The following HES2 variants were observed in gnomAD, a reference collection of about 807,000 sequenced individuals.
HES2 encodes transcription factor HES-2.
In HES2, 11 loss-of-function variants were observed where a neutral mutation model predicts 11.9. That is an observed-to-expected ratio of 0.92 (90% confidence interval 0.58 to 1.53). The LOEUF is 1.53. Among genes scored for constraint, HES2 ranks in the 40% most tolerant of loss-of-function variants. The pLI is 0.00. For synonymous variants in HES2, 125 were observed against 122.8 expected (o/e 1.02, Z -0.12); for missense variants, 260 against 253.8 (o/e 1.02, Z -0.16).
rs1258880171 is a variant in HES2, at chr1:6,419,912, A to G, written c.-92T>C. 6 of 1,387,802 alleles carry G rather than the reference A, an allele frequency of 4.3e-6. No homozygotes were observed. In the Admixed American group the frequency reaches 1.4e-4, roughly 33 times the overall value. 86.0% of individuals were successfully genotyped at this position (1,387,802 alleles called of 1,614,324 possible). A position where few individuals can be genotyped will look rare whatever the true frequency, so the allele number is the denominator to read the frequency against. ...CCCGGGCGCGGCCCGGGCTGGTGCC[A>G]GACGAGTGCGCGCCCCGCCCGCGGC... On this transcript the variant is annotated 5_prime_UTR_variant, in exon 1 of 4. Coordinates refer to ENST00000377834, the MANE Select transcript of HES2 (RefSeq NM_019089.5). The surrounding 1 kb of genome is among the most constrained non-coding windows in gnomAD (Gnocchi z 8.1).
In HES2 at chr1:6,417,104, C is replaced by T. The variant is rs965355002; in HGVS notation, c.*1769G>A. ...TGCCTTGGGGACGTGGAGGCACGCTCAGCCCCAGCCTCGCCCTCCGGGAGC... is the reference window on the plus strand; with the variant it reads ...TGCCTTGGGGACGTGGAGGCACGCTTAGCCCCAGCCTCGCCCTCCGGGAGC... On this transcript the variant is annotated 3_prime_UTR_variant, in exon 4 of 4. Coordinates refer to ENST00000377834, the MANE Select transcript of HES2 (RefSeq NM_019089.5). The T allele has an allele frequency of 3.3e-5, 5 of 152,348 alleles. No individual in the cohort carries two copies. The highest frequency in any genetic ancestry group is 1.2e-4 in the African/African-American group (5 of 41,468). The allele number at this position is 152,348 out of a possible 1,614,324, so 9.4% of individuals were successfully genotyped here. A position where few individuals can be genotyped will look rare whatever the true frequency, so the allele number is the denominator to read the frequency against.
At position 6,419,580 on chromosome 1, in the gene HES2, C is replaced by T. The variant is rs1036321398; in HGVS notation, c.141+27G>A. On this transcript the variant is annotated intron_variant, in intron 2 of 3. Coordinates refer to ENST00000377834, the MANE Select transcript of HES2 (RefSeq NM_019089.5). This position sits in a 1 kb window ranked among gnomAD's most constrained non-coding sequence, Gnocchi z 8.1. The stretch of plus-strand genomic sequence containing the variant: ...TGCCCCCGCTCCGCGCCCCAGGACC[C>T]TCTGCCCTCCGCCCGGGCGCGCTCA... 4 of 1,517,800 alleles carry T rather than the reference C, an allele frequency of 2.6e-6. No homozygotes were observed. The highest frequency in any genetic ancestry group is 1.2e-5 in the South Asian group (1 of 82,312). 94.0% of individuals were successfully genotyped at this position (1,517,800 alleles called of 1,614,324 possible). A position where few individuals can be genotyped will look rare whatever the true frequency, so the allele number is the denominator to read the frequency against.
rs1353944022 is a variant in HES2, at chr1:6,415,376, T to C, written c.*3497A>G. The stretch of plus-strand genomic sequence containing the variant: ...CATGTGCCCACTTTGTATCTGTGTG[T>C]CACACTTTCGCAATTCTTGCAATAT... On this transcript the variant is annotated 3_prime_UTR_variant, in exon 4 of 4. Coordinates refer to ENST00000377834, the MANE Select transcript of HES2 (RefSeq NM_019089.5). The C allele has an allele frequency of 2.0e-5, 3 of 152,024 alleles. No individual in the cohort carries two copies. The highest frequency in any genetic ancestry group is 1.5e-5 in the Non-Finnish European group (1 of 67,976). The allele number at this position is 152,024 out of a possible 1,614,324, so 9.4% of individuals were successfully genotyped here. A position where few individuals can be genotyped will look rare whatever the true frequency, so the allele number is the denominator to read the frequency against.
Position 6,415,307 on chromosome 1 carries a change from A to T in HES2, c.*3566T>A, listed in dbSNP as rs1642833942. 6.6e-6 allele frequency: 1 copy of T among 151,562 alleles called. No individual in the cohort carries two copies. The highest frequency in any genetic ancestry group is 1.5e-5 in the Non-Finnish European group (1 of 67,968). The allele number at this position is 151,562 out of a possible 1,614,324, so 9.4% of individuals were successfully genotyped here. ...TTTAAACAAATTGAAGGTTCGGGGTAACTCCAGAGTCAAGCAAGTCTATTG... is the reference window on the plus strand; with the variant it reads ...TTTAAACAAATTGAAGGTTCGGGGTTACTCCAGAGTCAAGCAAGTCTATTG... On this transcript the variant is annotated 3_prime_UTR_variant, in exon 4 of 4. Transcript: ENST00000377834.
In HES2 at chr1:6,419,672, G is replaced by A. The variant is rs1642889794; in HGVS notation, c.76C>T (p.Arg26Cys). ...SLKPLLEKRR[R>C]ARINQSLSQL... ...CTCAGGCTCTGGTTGATGCGCGCGC[G>A]CCGGCGCTTCTCCAGCAGCGGCTTC... The change falls in exon 2 of 4, where the codon CGC becomes TGC. Residue 26 changes from arginine to cysteine, a missense_variant. Coordinates refer to ENST00000377834, the MANE Select transcript of HES2 (RefSeq NM_019089.5). The surrounding 1 kb of genome is among the most constrained non-coding windows in gnomAD (Gnocchi z 8.1). 6.4e-7 allele frequency: 1 copy of A among 1,555,564 alleles called. No homozygotes were observed. Among genetic ancestry groups the A allele is most frequent in the Non-Finnish European group, 8.7e-7 (1 of 1,153,622 alleles).
In HES2 at chr1:6,419,708, G is replaced by T; in HGVS notation, c.46-6C>A. ...TCCAGCAGCGGCTTCAGGCTCTGCGGACGGGCGGCGCGGTGGTTAGACGGG... is the reference window on the plus strand; with the variant it reads ...TCCAGCAGCGGCTTCAGGCTCTGCGTACGGGCGGCGCGGTGGTTAGACGGG... On this transcript the variant is annotated splice_polypyrimidine_tract_variant and splice_region_variant and intron_variant, in intron 1 of 3. Coordinates refer to ENST00000377834, the MANE Select transcript of HES2 (RefSeq NM_019089.5). This position sits in a 1 kb window ranked among gnomAD's most constrained non-coding sequence, Gnocchi z 8.1. 1 of 1,552,922 alleles carries T rather than the reference G, an allele frequency of 6.4e-7. No homozygotes were observed.
rs1036726243 is a variant in HES2, at chr1:6,419,561, C to G, written c.141+46G>C. 7 of 1,462,008 alleles carry G rather than the reference C, an allele frequency of 4.8e-6. No homozygotes were observed. Among genetic ancestry groups the G allele is most frequent in the East Asian group, 2.7e-5 (1 of 37,336 alleles). 90.6% of individuals were successfully genotyped at this position (1,462,008 alleles called of 1,614,324 possible). On this transcript the variant is annotated intron_variant, in intron 2 of 3. Coordinates refer to ENST00000377834, the MANE Select transcript of HES2 (RefSeq NM_019089.5). The surrounding 1 kb of genome is among the most constrained non-coding windows in gnomAD (Gnocchi z 8.1). The stretch of plus-strand genomic sequence containing the variant: ...CAGGAGCACCCCGTCCCCCTGCCCC[C>G]GCTCCGCGCCCCAGGACCCTCTGCC...
At position 6,419,913 on chromosome 1, in the gene HES2, G is replaced by C; in HGVS notation, c.-93C>G. The C allele has an allele frequency of 1.4e-6, 2 of 1,387,496 alleles. No homozygotes were observed. The highest frequency in any genetic ancestry group is 1.9e-6 in the Non-Finnish European group (2 of 1,071,850). The allele number at this position is 1,387,496 out of a possible 1,614,324, so 85.9% of individuals were successfully genotyped here. A position where few individuals can be genotyped will look rare whatever the true frequency, so the allele number is the denominator to read the frequency against. On this transcript the variant is annotated 5_prime_UTR_variant, in exon 1 of 4. Transcript: ENST00000377834. This position sits in a 1 kb window ranked among gnomAD's most constrained non-coding sequence, Gnocchi z 8.1. ...CCGGGCGCGGCCCGGGCTGGTGCCA[G>C]ACGAGTGCGCGCCCCGCCCGCGGCC...
chr1:6,415,284 T>TAA lies in HES2; in HGVS notation c.*3587_*3588dup, dbSNP rs111320471. On this transcript the variant is annotated 3_prime_UTR_variant, in exon 4 of 4. Transcript: ENST00000377834. ...TCAAGATATTGCCTTTTTTTTTTTT[T>TAA]AAACAAATTGAAGGTTCGGGGTAAC... 1 of 150,904 alleles carries TAA rather than the reference T, an allele frequency of 6.6e-6. No individual in the cohort carries two copies. Among genetic ancestry groups the TAA allele is most frequent in the African/African-American group, 2.5e-5 (1 of 40,748 alleles). 9.3% of individuals were successfully genotyped at this position (150,904 alleles called of 1,614,324 possible). A position where few individuals can be genotyped will look rare whatever the true frequency, so the allele number is the denominator to read the frequency against.
Position 6,419,457 on chromosome 1 carries a change from G to T in HES2, c.142-117C>A. ...GGTGTGGGGCGCGCCGTGGCCTGCT[G>T]GGGGTCCGCTCCGACGCGCCCACCC... On this transcript the variant is annotated intron_variant, in intron 2 of 3. Transcript: ENST00000377834. The surrounding 1 kb of genome is among the most constrained non-coding windows in gnomAD (Gnocchi z 8.1). The T allele has an allele frequency of 8.5e-7, 1 of 1,174,974 alleles. No homozygotes were observed. The highest frequency in any genetic ancestry group is 1.2e-6 in the Non-Finnish European group (1 of 842,352). The allele number at this position is 1,174,974 out of a possible 1,614,324, so 72.8% of individuals were successfully genotyped here.
rs1642862700 is a variant in HES2, at chr1:6,417,328, GT to G, written c.*1544del. 1 of 150,974 alleles carries G rather than the reference GT, an allele frequency of 6.6e-6. No homozygotes were observed. Among genetic ancestry groups the G allele is most frequent in the African/African-American group, 2.5e-5 (1 of 40,694 alleles). 9.4% of individuals were successfully genotyped at this position (150,974 alleles called of 1,614,324 possible). On this transcript the variant is annotated 3_prime_UTR_variant, in exon 4 of 4. Transcript: ENST00000377834. ...AGTGACCATCCCCACTCCCACATTG[GT>G]TCTGTCTTCTTGCCCCCGGTGCTCT...
rs1642885892 is a variant in HES2, at chr1:6,419,418, C to T, written c.142-78G>A. On this transcript the variant is annotated intron_variant, in intron 2 of 3. Coordinates refer to ENST00000377834, the MANE Select transcript of HES2 (RefSeq NM_019089.5). The surrounding 1 kb of genome is among the most constrained non-coding windows in gnomAD (Gnocchi z 8.1). Reference sequence around the variant, plus strand: ...GCCGGCTACCGTGCGCACCCTCGCTCTAGTCGGGAGCTGGGTGTGGGGCGC... The same window carrying T: ...GCCGGCTACCGTGCGCACCCTCGCTTTAGTCGGGAGCTGGGTGTGGGGCGC... 1 of 1,337,632 alleles carries T rather than the reference C, an allele frequency of 7.5e-7. No homozygotes were observed. Among genetic ancestry groups the T allele is most frequent in the African/African-American group, 1.5e-5 (1 of 67,766 alleles). The allele number at this position is 1,337,632 out of a possible 1,614,324, so 82.9% of individuals were successfully genotyped here.
In HES2 at chr1:6,419,904, C is replaced by A; in HGVS notation, c.-84G>T. The A allele has an allele frequency of 7.0e-7, 1 of 1,428,360 alleles. No individual in the cohort carries two copies. The highest frequency in any genetic ancestry group is 9.2e-7 in the Non-Finnish European group (1 of 1,091,350). 88.5% of individuals were successfully genotyped at this position (1,428,360 alleles called of 1,614,324 possible). On this transcript the variant is annotated 5_prime_UTR_variant, in exon 1 of 4. Transcript: ENST00000377834. The surrounding 1 kb of genome is among the most constrained non-coding windows in gnomAD (Gnocchi z 8.1). ...AATGAGGTCCCGGGCGCGGCCCGGG[C>A]TGGTGCCAGACGAGTGCGCGCCCCG...
At position 6,419,671 on chromosome 1, in the gene HES2, C is replaced by T. The variant is rs1163816502; in HGVS notation, c.77G>A (p.Arg26His). The change falls in exon 2 of 4, where the codon CGC becomes CAC. Residue 26 changes from arginine (R) to histidine (H), a missense_variant. Coordinates refer to ENST00000377834, the MANE Select transcript of HES2 (RefSeq NM_019089.5). This position sits in a 1 kb window ranked among gnomAD's most constrained non-coding sequence, Gnocchi z 8.1. ...GCTCAGGCTCTGGTTGATGCGCGCG[C>T]GCCGGCGCTTCTCCAGCAGCGGCTT... ...SLKPLLEKRR[R>H]ARINQSLSQL... 2.6e-5 allele frequency: 41 copies of T among 1,555,616 alleles called. No individual in the cohort carries two copies. The highest frequency in any genetic ancestry group is 3.5e-5 in the Non-Finnish European group (40 of 1,153,662).
Position 6,419,224 on chromosome 1 carries a change from A to C in HES2, c.241+17T>G, listed in dbSNP as rs772283479. ...CGGGGTGCAGAGCGCGCGGCAGGGC[A>C]GGGAGGGCTCACTCACGGGGCGCTG... On this transcript the variant is annotated intron_variant, in intron 3 of 3. Coordinates refer to ENST00000377834, the MANE Select transcript of HES2 (RefSeq NM_019089.5). This position sits in a 1 kb window ranked among gnomAD's most constrained non-coding sequence, Gnocchi z 8.1. 2 of 1,604,006 alleles carry C rather than the reference A, an allele frequency of 1.2e-6. No homozygotes were observed. The highest frequency in any genetic ancestry group is 3.4e-5 in the Admixed American group (2 of 59,568).
In HES2 at chr1:6,418,206, TTC is replaced by T. The variant is rs1286403002; in HGVS notation, c.*665_*666del. On this transcript the variant is annotated 3_prime_UTR_variant, in exon 4 of 4. Coordinates refer to ENST00000377834, the MANE Select transcript of HES2 (RefSeq NM_019089.5). ...AATTGATGCTCGGGAAAACAAATCC[TTC>T]CCAAAGTCACTTAAGGAATCCCCCA... 6.6e-6 allele frequency: 1 copy of T among 152,356 alleles called. No individual in the cohort carries two copies. Among genetic ancestry groups the T allele is most frequent in the East Asian group, 1.9e-4 (1 of 5,200 alleles). The allele number at this position is 152,356 out of a possible 1,614,324, so 9.4% of individuals were successfully genotyped here.
At position 6,416,664 on chromosome 1, in the gene HES2, C is replaced by G. The variant is rs776236636; in HGVS notation, c.*2209G>C. 1.3e-5 allele frequency: 2 copies of G among 152,318 alleles called. No homozygotes were observed. The highest frequency in any genetic ancestry group is 2.4e-5 in the African/African-American group (1 of 41,454). 9.4% of individuals were successfully genotyped at this position (152,318 alleles called of 1,614,324 possible). A position where few individuals can be genotyped will look rare whatever the true frequency, so the allele number is the denominator to read the frequency against. On this transcript the variant is annotated 3_prime_UTR_variant, in exon 4 of 4. Coordinates refer to ENST00000377834, the MANE Select transcript of HES2 (RefSeq NM_019089.5). ...GCGAACTGAGATGGACTCTCAGAAG[C>G]AAGAGGTGGCAAGCATGGCGGAGAG...
At position 6,419,894 on chromosome 1, in the gene HES2, G is replaced by T; in HGVS notation, c.-74C>A. The T allele has an allele frequency of 6.9e-7, 1 of 1,446,376 alleles. No homozygotes were observed. Among genetic ancestry groups the T allele is most frequent in the Non-Finnish European group, 9.1e-7 (1 of 1,099,716 alleles). 89.6% of individuals were successfully genotyped at this position (1,446,376 alleles called of 1,614,324 possible). A position where few individuals can be genotyped will look rare whatever the true frequency, so the allele number is the denominator to read the frequency against. ...CGAGGTCCGAAATGAGGTCCCGGGC[G>T]CGGCCCGGGCTGGTGCCAGACGAGT... On this transcript the variant is annotated 5_prime_UTR_variant, in exon 1 of 4. Transcript: ENST00000377834. The surrounding 1 kb of genome is among the most constrained non-coding windows in gnomAD (Gnocchi z 8.1).
At position 6,419,398 on chromosome 1, in the gene HES2, C is replaced by G; in HGVS notation, c.142-58G>C. 1 of 1,450,544 alleles carries G rather than the reference C, an allele frequency of 6.9e-7. No homozygotes were observed. Among genetic ancestry groups the G allele is most frequent in the South Asian group, 1.2e-5 (1 of 82,476 alleles). 89.9% of individuals were successfully genotyped at this position (1,450,544 alleles called of 1,614,324 possible). On this transcript the variant is annotated intron_variant, in intron 2 of 3. Coordinates refer to ENST00000377834, the MANE Select transcript of HES2 (RefSeq NM_019089.5). The surrounding 1 kb of genome is among the most constrained non-coding windows in gnomAD (Gnocchi z 8.1). ...ACCACCAAGACAGAACTTTGGCCGGCTACCGTGCGCACCCTCGCTCTAGTC... is the reference window on the plus strand; with the variant it reads ...ACCACCAAGACAGAACTTTGGCCGGGTACCGTGCGCACCCTCGCTCTAGTC...
Sources: allele counts gnomAD v4.1 joint callset, GRCh38; gene constraint gnomAD v4.1.1; non-coding constraint Gnocchi (gnomAD v3.1); transcripts MANE v1.5; gene names NCBI Gene and HGNC (gene_info 2026-07-23, HGNC 2026-07-21).